ENOX1: variants seen among roughly 807,000 people sequenced by gnomAD.
The protein encoded by ENOX1 is candidate growth-related and time keeping constitutive hydroquinone (NADH) oxidase.
In ENOX1, 42 loss-of-function variants were observed where a neutral mutation model predicts 82.5. The observed-to-expected ratio is 0.51, with a 90% CI of 0.40 to 0.66. ENOX1 has a LOEUF of 0.66. Ranked by LOEUF, ENOX1 falls within the 30% of genes least tolerant of loss-of-function variation. ENOX1 has a pLI of 0.00. For missense variants in ENOX1, 608 were observed against 811.6 expected (o/e 0.75, Z 3.05); for synonymous variants, 271 against 282.2 (o/e 0.96, Z 0.40).
chr13:43,641,589 G>A (rs1487509420), intron 2 of ENOX1, among the ~76,000 whole-genome samples: 4 of 132,354 alleles, frequency 3.0e-5, no homozygotes, highest in African/African-American at 1.1e-4. Flanking sequence ...AGGCTGGAGT[G>A]CAGTGGCGCC....
In ENOX1 at chr13:43,507,031, C is replaced by A. The variant is rs146341177; in HGVS notation, c.-218-22879G>T. ...AATTTGAGTGATTGACAGAATAGAA[C>A]TTTTAAAACTCTAAAAACATAAAGA... On this transcript the variant is annotated intron_variant, in intron 2 of 16. Transcript: ENST00000690772. 9.3e-3 allele frequency among the ~76,000 whole-genome samples: 1,413 copies of A among 151,684 alleles called. 12 individuals are homozygous for A. Among genetic ancestry groups the A allele is most frequent in the Non-Finnish European group, 0.015 (1,045 of 67,854 alleles).
At chr13:43,447,452 G>A (rs185540318) in intron 3 of ENOX1, among the ~76,000 whole-genome samples, 1 of 152,222 alleles carries the variant, frequency 6.6e-6, no homozygotes, top group East Asian at 1.9e-4. Context: ...GAGTATGGAA[G>A]TCTATCAGAT....
chr13:43,720,066 T>C (rs1292431937), intron 1 of ENOX1, among the ~76,000 whole-genome samples: 1 of 150,630 alleles, frequency 6.6e-6, no homozygotes, highest in African/African-American at 2.4e-5. Context: ...CAGTGTTTCA[T>C]TTTGAAGGGA....
intron 1 of ENOX1, among the ~76,000 whole-genome samples, chr13:43,678,084 T>C (rs1261264545): frequency 3.9e-5 from 6 of 152,102 alleles, no homozygotes; most frequent in Non-Finnish European, 8.8e-5. Flanking sequence ...GCATACAATA[T>C]ATCCAGGAGG....
intron 1 of ENOX1, among the ~76,000 whole-genome samples, chr13:43,711,163 T>C (rs1183396834): frequency 4.1e-5 from 6 of 146,824 alleles, no homozygotes; most frequent in East Asian, 2.1e-4. Context: ...AGTGAGAACA[T>C]GCGGTGTTTG....
At chr13:43,685,564 T>C (rs2086023048) in intron 1 of ENOX1, among the ~76,000 whole-genome samples, 1 of 151,930 alleles carries the variant, frequency 6.6e-6, no homozygotes, top group South Asian at 2.1e-4. Context: ...TGCCCTAAAA[T>C]AGGTAAGGCC....
chr13:43,216,504 G>T (rs1279774673), intron 16 of ENOX1, among the ~76,000 whole-genome samples: 2 of 152,156 alleles, frequency 1.3e-5, no homozygotes, highest in Non-Finnish European at 2.9e-5. Context: ...TTTTTCATAG[G>T]TCCAGGAGGC....
intron 3 of ENOX1, among the ~76,000 whole-genome samples, chr13:43,482,494 C>T (rs1308599595): frequency 6.6e-6 from 1 of 152,054 alleles, no homozygotes; most frequent in Non-Finnish European, 1.5e-5. Context: ...CAGGGAGTTG[C>T]TTTACAACAG....
chr13:43,633,668 T>C (rs577262296), intron 2 of ENOX1, among the ~76,000 whole-genome samples: 65 of 143,312 alleles, frequency 4.5e-4, no homozygotes, highest in Non-Finnish European at 7.5e-4. Context: ...ATAATGCTAT[T>C]TACATTTTAA....
rs1409020120 is a variant in ENOX1, at chr13:43,588,962, T to C, written c.-219+78517A>G. Among the ~76,000 whole-genome samples, 5 of 152,292 alleles carry C rather than the reference T, an allele frequency of 3.3e-5. No homozygotes were observed. In the East Asian group the frequency reaches 9.6e-4, roughly 29 times the overall value. Reference sequence around the variant, plus strand: ...GTGGTATTTTAATGGCAAAGAGCACTGGTACAGATTTGGACTTCTAATCCT... The same window carrying C: ...GTGGTATTTTAATGGCAAAGAGCACCGGTACAGATTTGGACTTCTAATCCT... On this transcript the variant is annotated intron_variant, in intron 2 of 16. Coordinates refer to ENST00000690772, the MANE Select transcript of ENOX1 (RefSeq NM_001347969.2).
intron 5 of ENOX1, among the ~76,000 whole-genome samples, chr13:43,404,733 G>A (rs1445704848): frequency 6.6e-6 from 1 of 152,198 alleles, no homozygotes; most frequent in African/African-American, 2.4e-5. Flanking sequence ...CTGTAATACT[G>A]TGGTGAGTAA....
intron 1 of ENOX1, among the ~76,000 whole-genome samples, chr13:43,719,488 C>A (rs1355356318): frequency 6.6e-6 from 1 of 152,006 alleles, no homozygotes; most frequent in African/African-American, 2.4e-5. Flanking sequence ...CATCTACATC[C>A]CAGTGGTCAT....
At chr13:43,479,792 A>G (rs1193230718) in intron 3 of ENOX1, among the ~76,000 whole-genome samples, 1 of 152,314 alleles carries the variant, frequency 6.6e-6, no homozygotes, top group East Asian at 1.9e-4. Context: ...AAGTTTCTGT[A>G]GTCTGGGCAG....
intron 2 of ENOX1, among the ~76,000 whole-genome samples, chr13:43,487,435 T>C: frequency 6.6e-6 from 1 of 152,118 alleles, no homozygotes; most frequent in East Asian, 1.9e-4. Context: ...AAAACATAGG[T>C]TCATGAAATT....
chr13:43,770,025 A>G (rs1471753527), intron 1 of ENOX1, among the ~76,000 whole-genome samples: 2 of 152,252 alleles, frequency 1.3e-5, no homozygotes, highest in Non-Finnish European at 2.9e-5. Context: ...TAATTGCCCA[A>G]GTGTAGAATG....
intron 3 of ENOX1, among the ~76,000 whole-genome samples, chr13:43,435,537 G>A (rs958646302): frequency 1.3e-5 from 2 of 152,076 alleles, no homozygotes; most frequent in Non-Finnish European, 2.9e-5. Context: ...ATGGTGCCTG[G>A]GTCTTTTGAA....
chr13:43,733,063 C>CCATACCTGGTGAAGGATTAAACTCCCTT, intron 1 of ENOX1, among the ~76,000 whole-genome samples: 1 of 152,242 alleles, frequency 6.6e-6, no homozygotes, highest in Admixed American at 6.5e-5. Flanking sequence ...AAACCTCCCT[C>CCATACCTGGTGAAGGATTAAACTCCCTT]CATACCTGGT....
At chr13:43,266,671 A>G (rs1230603040) in intron 13 of ENOX1, among the ~76,000 whole-genome samples, 1 of 152,216 alleles carries the variant, frequency 6.6e-6, no homozygotes, top group Non-Finnish European at 1.5e-5. Flanking sequence ...ATGACAAGGC[A>G]GAGGTGTGCC....
chr13:43,240,671 T>C (rs1039226309), intron 14 of ENOX1, among the ~76,000 whole-genome samples: 6 of 152,146 alleles, frequency 3.9e-5, no homozygotes, highest in African/African-American at 7.2e-5. Flanking sequence ...TGGGAGAAGA[T>C]TGTGTGTTCA....
Sources: gnomAD v4.1 joint callset for allele counts (sites outside exome capture counted in the v4.1 genomes callset) on GRCh38, gnomAD v4.1.1 for gene constraint, MANE v1.5 for transcripts, NCBI Gene and HGNC (gene_info 2026-07-23, HGNC 2026-07-21) for gene names.